The following STARD13 variants were observed in gnomAD, a reference collection of about 807,000 sequenced individuals.
STARD13 encodes the protein stAR-related lipid transfer protein 13.
A neutral mutation model predicts 106.4 loss-of-function variants in STARD13; 62 were observed. The observed-to-expected ratio is 0.58, with a 90% CI of 0.48 to 0.72. The LOEUF is 0.72. STARD13 is among the 30% of genes least tolerant of loss of function. The probability of loss-of-function intolerance (pLI) is 0.00; values close to 1 mark genes in which losing one functional copy is unlikely to be tolerated. For synonymous variants in STARD13, 565 were observed against 553.0 expected (o/e 1.02, Z -0.31); for missense variants, 1,387 against 1,424.0 (o/e 0.97, Z 0.42).
chr13:33,375,267 A>C, the STARD13 span, among the ~76,000 whole-genome samples: 52 of 152,310 alleles, frequency 3.4e-4, no homozygotes, highest in South Asian at 8.3e-4. Flanking sequence ...AGGGGTGAGA[A>C]TGCAAAGGGA....
chr13:33,557,874 C>T, the STARD13 span, among the ~76,000 whole-genome samples: 6 of 152,212 alleles, frequency 3.9e-5, no homozygotes, highest in South Asian at 2.1e-4. Flanking sequence ...TTAGGGAGAA[C>T]GAGATGTTGA....
the STARD13 span, among the ~76,000 whole-genome samples, chr13:33,617,932 T>C: frequency 6.6e-6 from 1 of 152,258 alleles, no homozygotes; most frequent in Non-Finnish European, 1.5e-5. Context: ...TAGGTGGTCC[T>C]ATTTTAGAGC....
exon 2 of STARD13, chr13:33,349,205 C>T (rs1255165225): frequency 1.4e-6 from 1 of 702,342 alleles, no homozygotes; most frequent in Non-Finnish European, 2.6e-6. Context: ...CTGCCCAGCT[C>T]AAGAGATAGT....
intron 1 of STARD13, among the ~76,000 whole-genome samples, chr13:33,228,147 A>C (rs887119231): frequency 2.6e-5 from 4 of 152,182 alleles, no homozygotes; most frequent in African/African-American, 9.7e-5. Context: ...ACATAAAAGC[A>C]TGGCACAGAA....
chr13:33,672,804 A>G, the STARD13 span, among the ~76,000 whole-genome samples: 307 of 152,356 alleles, frequency 2.0e-3, 2 homozygotes, highest in African/African-American at 7.0e-3. Flanking sequence ...TGATGAAATT[A>G]CTTTCGACTA....
intron 1 of STARD13, among the ~76,000 whole-genome samples, chr13:33,324,144 C>G (rs1893657030): frequency 6.6e-6 from 1 of 152,188 alleles, no homozygotes; most frequent in South Asian, 2.1e-4. Context: ...GATGCAAAAA[C>G]AGAGCAGATA....
chr13:33,513,577 C>T, the STARD13 span, among the ~76,000 whole-genome samples: 1 of 152,112 alleles, frequency 6.6e-6, no homozygotes, highest in South Asian at 2.1e-4. Context: ...TTGTTTTTAA[C>T]CTGGCCATAT....
the STARD13 span, among the ~76,000 whole-genome samples, chr13:33,510,328 G>A: frequency 6.6e-6 from 1 of 152,184 alleles, no homozygotes; most frequent in Non-Finnish European, 1.5e-5. Flanking sequence ...ATATTTGCAA[G>A]GGCCACTTTG....
the STARD13 span, among the ~76,000 whole-genome samples, chr13:33,553,123 T>C: frequency 6.6e-6 from 1 of 152,180 alleles, no homozygotes; most frequent in Non-Finnish European, 1.5e-5. Context: ...CAATAATTTT[T>C]ATTGATATAA....
the STARD13 span, among the ~76,000 whole-genome samples, chr13:33,459,022 C>CGT: frequency 1.6e-4 from 25 of 152,030 alleles, no homozygotes; most frequent in African/African-American, 5.1e-4. Flanking sequence ...GGATTACAGG[C>CGT]GTGGGCACCT....
chr13:33,300,249 A>G (rs1275365635), intron 1 of STARD13, among the ~76,000 whole-genome samples: 2 of 152,228 alleles, frequency 1.3e-5, no homozygotes, highest in South Asian at 2.1e-4. Context: ...AAGCACTGAG[A>G]TATCGTAATA....
upstream of STARD13, chr13:33,285,829 A>C: frequency 7.6e-7 from 1 of 1,321,594 alleles, no homozygotes; most frequent in South Asian, 1.7e-5. Flanking sequence ...CTCGGGAACC[A>C]ATGAGAGGAA....
chr13:33,197,453 A>G (rs915869294), intron 1 of STARD13, among the ~76,000 whole-genome samples: 6 of 119,256 alleles, frequency 5.0e-5, no homozygotes, highest in Non-Finnish European at 1.1e-4. Flanking sequence ...TGTGTTTTCA[A>G]TAGACCTCTT....
At chr13:33,609,745 T>C in the STARD13 span, among the ~76,000 whole-genome samples, 7 of 152,152 alleles carry the variant, frequency 4.6e-5, no homozygotes, top group Middle Eastern at 3.4e-3. Flanking sequence ...TTTTTGTATT[T>C]TTAGTAGAGA....
chr13:33,556,283 T>A, the STARD13 span, among the ~76,000 whole-genome samples: 3 of 152,166 alleles, frequency 2.0e-5, no homozygotes, highest in Admixed American at 6.5e-5. Context: ...CTCACTTTTT[T>A]AAAATTTCTT....
At chr13:33,348,198 A>T (rs2078036629), downstream of STARD13, among the ~76,000 whole-genome samples, 1 of 152,216 alleles carries the variant, frequency 6.6e-6, no homozygotes, top group Admixed American at 6.5e-5. Context: ...TCATACCGCT[A>T]TTTTAAAAAA....
At chr13:33,353,145 C>T (rs1338545030), upstream of STARD13, among the ~76,000 whole-genome samples, 1 of 152,162 alleles carries the variant, frequency 6.6e-6, no homozygotes, top group East Asian at 1.9e-4. Context: ...TCCACAGGCT[C>T]AACCCTCCAG....
the STARD13 span, among the ~76,000 whole-genome samples, chr13:33,363,808 C>T: frequency 3.3e-5 from 5 of 152,140 alleles, no homozygotes; most frequent in Admixed American, 3.3e-4. Flanking sequence ...ATGCAGTGCT[C>T]AGAACATAGT....
chr13:33,253,688 C>T (rs923593055), intron 1 of STARD13, among the ~76,000 whole-genome samples: 1 of 152,110 alleles, frequency 6.6e-6, no homozygotes, highest in African/African-American at 2.4e-5. Flanking sequence ...ATGTGGCCCC[C>T]GAGACCACGG....
Sources: allele counts gnomAD v4.1 joint callset (sites outside exome capture counted in the v4.1 genomes callset), GRCh38; gene constraint gnomAD v4.1.1; transcripts MANE v1.5; gene names NCBI Gene and HGNC (gene_info 2026-07-23, HGNC 2026-07-21).